Variants in GRIK4 observed in about 807,000 individuals in gnomAD.
GRIK4 encodes the protein glutamate receptor ionotropic, kainate 4.
In GRIK4, 40 loss-of-function variants were observed where a neutral mutation model predicts 104.9. That is an observed-to-expected ratio of 0.38 (90% CI 0.30 to 0.50). The LOEUF (loss-of-function observed/expected upper bound fraction) is 0.50. Among genes scored for constraint, GRIK4 ranks in the 20% least tolerant of loss-of-function variants. The pLI, the probability that GRIK4 is intolerant of heterozygous loss-of-function variation, is 0.93. For synonymous variants in GRIK4, 485 were observed against 524.9 expected (o/e 0.92, Z 1.04); for missense variants, 1,047 against 1,308.1 (o/e 0.80, Z 3.08).
At chr11:120,714,770 T>G (rs772913225) in intron 3 of GRIK4, among the ~76,000 whole-genome samples, 5 of 152,160 alleles carry the variant, frequency 3.3e-5, no homozygotes, top group African/African-American at 1.2e-4. Flanking sequence ...AGAATATGAT[T>G]CTTTTTGAAA....
At chr11:120,816,745 G>A (rs1289187224) in intron 5 of GRIK4, among the ~76,000 whole-genome samples, 1 of 151,756 alleles carries the variant, frequency 6.6e-6, no homozygotes, top group Non-Finnish European at 1.5e-5. Flanking sequence ...TTGTGTGCAC[G>A]TTTAAGTGCC....
intron 8 of GRIK4, among the ~76,000 whole-genome samples, chr11:120,855,797 A>G (rs1402633383): frequency 6.6e-6 from 1 of 152,364 alleles, no homozygotes; most frequent in African/African-American, 2.4e-5. Flanking sequence ...TCCTGACTCC[A>G]GGTAATGCCC....
rs1944397826 is a variant in GRIK4 at position 120,967,152 on chromosome 11, G to C, written c.2267-43G>C. 1 of 1,584,424 alleles carries C rather than the reference G, an allele frequency of 6.3e-7. No individual in the cohort carries two copies. The highest frequency in any genetic ancestry group is 2.3e-5 in the East Asian group (1 of 44,316). ...GGGGAGCAGAGTGACACCTAACAGGGCATTCACAACCTGTGTCCTGGGCTC... is the reference window on the plus strand; with the variant it reads ...GGGGAGCAGAGTGACACCTAACAGGCCATTCACAACCTGTGTCCTGGGCTC... On this transcript the variant is annotated intron_variant, in intron 18 of 20. Transcript: ENST00000527524. This position sits in a 1 kb window ranked among gnomAD's most constrained non-coding sequence, Gnocchi z 4.2.
At chr11:120,780,575 G>A (rs1952134239) in intron 3 of GRIK4, among the ~76,000 whole-genome samples, 1 of 152,174 alleles carries the variant, frequency 6.6e-6, no homozygotes. Context: ...TGTGAATAAG[G>A]TTGCTATGAA....
intron 3 of GRIK4, among the ~76,000 whole-genome samples, chr11:120,680,712 G>A (rs1208421013): frequency 6.6e-6 from 1 of 152,186 alleles, no homozygotes; most frequent in African/African-American, 2.4e-5. Flanking sequence ...GGGACTAACT[G>A]AGCTAAGTTA....
intron 3 of GRIK4, among the ~76,000 whole-genome samples, chr11:120,747,996 C>T (rs190275809): frequency 7.9e-5 from 12 of 152,318 alleles, no homozygotes; most frequent in South Asian, 2.1e-4. Context: ...GGTTTAATTA[C>T]GCTTATCACT....
intron 3 of GRIK4, among the ~76,000 whole-genome samples, chr11:120,790,425 G>T (rs1952371442): frequency 6.6e-6 from 1 of 152,178 alleles, no homozygotes. Context: ...CTGGGGCACG[G>T]TGGGAATGGG....
At chr11:120,858,811 A>C (rs1349782465) in intron 8 of GRIK4, 2 of 152,216 alleles carry the variant, frequency 1.3e-5, no homozygotes, top group African/African-American at 2.4e-5. Context: ...GCAGCAGGAA[A>C]GTCTTAAGTT....
chr11:120,836,000 A>G (rs1476198804), intron 7 of GRIK4, among the ~76,000 whole-genome samples: 1 of 152,214 alleles, frequency 6.6e-6, no homozygotes, highest in Non-Finnish European at 1.5e-5. Flanking sequence ...AAGTTTGCAA[A>G]TGAGTCACTT....
intron 3 of GRIK4, among the ~76,000 whole-genome samples, chr11:120,764,841 G>A (rs1041063553): frequency 3.3e-5 from 5 of 152,154 alleles, no homozygotes; most frequent in African/African-American, 7.2e-5. Context: ...AGTCTGATGG[G>A]CTTCCCTTTG....
chr11:120,874,131 G>T lies in GRIK4; in HGVS notation c.972G>T (p.Arg324=). The T allele has an allele frequency of 6.2e-7, 1 of 1,613,988 alleles. No homozygotes were observed. Among genetic ancestry groups the T allele is most frequent in the East Asian group, 2.2e-5 (1 of 44,880 alleles). Reference sequence around the variant, plus strand: ...TGACTGCGGTGCAGGAACTGAACCGGAGCCAAGAGATCGGCGTGAAGCCCT... The same window carrying T: ...TGACTGCGGTGCAGGAACTGAACCGTAGCCAAGAGATCGGCGTGAAGCCCT... ...AVVTAVQELN[R]SQEIGVKPLS... Residue 324 remains arginine, a synonymous_variant, in exon 10 of 21, where the codon CGG becomes CGT. Transcript: ENST00000527524.
chr11:120,588,108 G>A (rs1264622477), intron 1 of GRIK4, among the ~76,000 whole-genome samples: 3 of 152,128 alleles, frequency 2.0e-5, no homozygotes, highest in African/African-American at 7.2e-5. Context: ...GTGTGTGGGC[G>A]GCCAGAGGGG....
At chr11:120,936,862 G>GC (rs368202266) in intron 13 of GRIK4, among the ~76,000 whole-genome samples, 123 of 146,560 alleles carry the variant, frequency 8.4e-4, no homozygotes, top group African/African-American at 3.0e-3. Context: ...GCCCCCACCT[G>GC]CCCCCCAGGA....
At chr11:120,917,324 C>A (rs1007451382) in intron 13 of GRIK4, among the ~76,000 whole-genome samples, 1 of 150,766 alleles carries the variant, frequency 6.6e-6, no homozygotes, top group Non-Finnish European at 1.5e-5. Flanking sequence ...GAAAGCCAGG[C>A]TTTCCATTTA....
intron 3 of GRIK4, among the ~76,000 whole-genome samples, chr11:120,727,488 A>C (rs979669406): frequency 3.9e-5 from 6 of 152,166 alleles, no homozygotes; most frequent in African/African-American, 1.4e-4. Flanking sequence ...GGTTCAGGAA[A>C]ACTTATTTTA....
chr11:120,719,798 A>G (rs1292740653), intron 3 of GRIK4, among the ~76,000 whole-genome samples: 1 of 152,222 alleles, frequency 6.6e-6, no homozygotes, highest in African/African-American at 2.4e-5. Flanking sequence ...GACTAGCCTT[A>G]TTCCAGAAGG....
intron 1 of GRIK4, among the ~76,000 whole-genome samples, chr11:120,639,534 G>A (rs1322553455): frequency 6.6e-6 from 1 of 152,160 alleles, no homozygotes; most frequent in Non-Finnish European, 1.5e-5. Flanking sequence ...GTCGGCCCCT[G>A]TCTCAGTAAG....
chr11:120,688,033 G>T (rs1359142899), intron 3 of GRIK4, among the ~76,000 whole-genome samples: 5 of 152,064 alleles, frequency 3.3e-5, no homozygotes, highest in Non-Finnish European at 7.4e-5. Flanking sequence ...TAGTCCCAAG[G>T]CTGCCAGAGC....
At chr11:120,620,268 C>T (rs1306249163) in intron 1 of GRIK4, 2 of 735,582 alleles carry the variant, frequency 2.7e-6, no homozygotes, top group African/African-American at 3.5e-5. Context: ...CCTCGCCATC[C>T]ATTTTGTTCT....
Sources: gnomAD v4.1 joint callset for allele counts (sites outside exome capture counted in the v4.1 genomes callset) on GRCh38, gnomAD v4.1.1 for gene constraint, Gnocchi (gnomAD v3.1) non-coding constraint, MANE v1.5 for transcripts, NCBI Gene and HGNC (gene_info 2026-07-23, HGNC 2026-07-21) for gene names.